Variants in TEK observed in about 807,000 individuals in gnomAD.
TEK encodes the protein angiopoietin-1 receptor.
A neutral mutation model predicts 131.8 loss-of-function variants in TEK; 43 were observed. That is an observed-to-expected ratio of 0.33 (90% CI 0.26 to 0.42). TEK has a LOEUF of 0.42. Among genes scored for constraint, TEK ranks in the 10% least tolerant of loss-of-function variants. The pLI, the probability that TEK is intolerant of heterozygous loss-of-function variation, is 1.00. For missense variants in TEK, 1,162 were observed against 1,384.4 expected, an observed-to-expected ratio of 0.84 and a Z score of 2.55; for synonymous variants, 580 against 491.6, an observed-to-expected ratio of 1.18 and a Z score of -2.38.
chr9:27,138,806 G>A (rs1822604074), intron 1 of TEK, among the ~76,000 whole-genome samples: 1 of 152,136 alleles, frequency 6.6e-6, no homozygotes, highest in African/African-American at 2.4e-5. Context: ...TGGAGTACAG[G>A]AATTGAGTAT....
At chr9:27,220,902 A>G (rs1185643039) in intron 21 of TEK, among the ~76,000 whole-genome samples, 1 of 152,196 alleles carries the variant, frequency 6.6e-6, no homozygotes, top group East Asian at 1.9e-4. Context: ...TTCATACCCC[A>G]GTGGCACCTG....
chr9:27,131,621 G>A (rs78970094), intron 1 of TEK, among the ~76,000 whole-genome samples: 21,795 of 150,734 alleles, frequency 0.14, 2,456 homozygotes, highest in African/African-American at 0.31. Context: ...ACCAGCCTGG[G>A]TAACATAAGG....
intron 1 of TEK, among the ~76,000 whole-genome samples, chr9:27,117,766 C>T (rs1249429167): frequency 2.0e-5 from 3 of 152,340 alleles, no homozygotes; most frequent in South Asian, 2.1e-4. Context: ...GTCATTTGCT[C>T]TCTGCTTGTC....
At chr9:27,115,064 C>A in intron 1 of TEK, among the ~76,000 whole-genome samples, 1 of 151,918 alleles carries the variant, frequency 6.6e-6, no homozygotes, top group East Asian at 1.9e-4. Flanking sequence ...TGAATATAGG[C>A]GGATGAATTG....
At chr9:27,122,672 A>C (rs532114418) in intron 1 of TEK, among the ~76,000 whole-genome samples, 40 of 152,228 alleles carry the variant, frequency 2.6e-4, no homozygotes, top group Non-Finnish European at 4.9e-4. Flanking sequence ...GGGAACCTAC[A>C]TCGAGAGGTA....
At chr9:27,152,345 C>A (rs664513) in intron 1 of TEK, among the ~76,000 whole-genome samples, 1 of 151,156 alleles carries the variant, frequency 6.6e-6, no homozygotes, top group East Asian at 1.9e-4. Flanking sequence ...GCCAACACTT[C>A]GAAGATCAGG....
intron 21 of TEK, among the ~76,000 whole-genome samples, chr9:27,226,330 C>A (rs1322280314): frequency 3.9e-5 from 6 of 152,186 alleles, no homozygotes; most frequent in African/African-American, 1.4e-4. Context: ...TGGAACCAAC[C>A]CAAATGCCCA....
intron 1 of TEK, among the ~76,000 whole-genome samples, chr9:27,138,817 G>T (rs1822605280): frequency 1.3e-5 from 2 of 152,282 alleles, no homozygotes; most frequent in African/African-American, 2.4e-5. Context: ...AATTGAGTAT[G>T]TGTGAATTTG....
intron 10 of TEK, chr9:27,192,109 A>C (rs1453190744): frequency 2.6e-6 from 1 of 379,232 alleles, no homozygotes; most frequent in African/African-American, 2.1e-5. Context: ...TTCTCTCGAT[A>C]GCTTGATTGC....
chr9:27,200,817 ATGACTTTT>A (rs1825189414), intron 12 of TEK, among the ~76,000 whole-genome samples: 1 of 152,174 alleles, frequency 6.6e-6, no homozygotes, highest in South Asian at 2.1e-4. Context: ...GACCCTTACA[ATGACTTTT>A]TGAGGAAAGT....
intron 18 of TEK, among the ~76,000 whole-genome samples, chr9:27,215,495 A>ATGAT (rs1038806629): frequency 3.2e-4 from 49 of 151,762 alleles, no homozygotes; most frequent in African/African-American, 1.1e-3. Flanking sequence ...AGATCCCCAG[A>ATGAT]TGATTGAGTC....
chr9:27,186,870 C>T (rs945015059), intron 9 of TEK, among the ~76,000 whole-genome samples: 1 of 152,168 alleles, frequency 6.6e-6, no homozygotes, highest in Admixed American at 6.5e-5. Flanking sequence ...GTAAATGCAA[C>T]CCCATAGATT....
chr9:27,220,163 C>G lies in TEK; in HGVS notation c.3200+18C>G. On this transcript the variant is annotated intron_variant, in intron 21 of 22. Coordinates refer to ENST00000380036, the MANE Select transcript of TEK (RefSeq NM_000459.5). ...GATGAGGTGTAAGTCAGGCCTCATC[C>G]TGGGGCTATTTTGTCTTACCTTCCC... 6.2e-7 allele frequency: 1 copy of G among 1,611,956 alleles called. No individual in the cohort carries two copies. The highest frequency in any genetic ancestry group is 1.1e-5 in the South Asian group (1 of 90,998).
intron 1 of TEK, among the ~76,000 whole-genome samples, chr9:27,131,535 G>T (rs143136546): frequency 6.7e-6 from 1 of 149,386 alleles, no homozygotes; most frequent in Non-Finnish European, 1.5e-5. Flanking sequence ...ATATGAAACA[G>T]TATTTGGCCA....
chr9:27,216,412 A>G (rs573202451), intron 18 of TEK, among the ~76,000 whole-genome samples: 1 of 152,292 alleles, frequency 6.6e-6, no homozygotes, highest in Admixed American at 6.5e-5. Context: ...AAGGAACTTA[A>G]CAATTAGGAG....
chr9:27,138,874 A>G (rs1889539), intron 1 of TEK, among the ~76,000 whole-genome samples: 58,748 of 151,864 alleles, frequency 0.39, 12,274 homozygotes, highest in African/African-American at 0.49. Context: ...TGTACCAAGG[A>G]ACAGCTATGT....
intron 1 of TEK, among the ~76,000 whole-genome samples, chr9:27,131,957 T>C (rs973326708): frequency 6.6e-6 from 1 of 152,196 alleles, no homozygotes; most frequent in Admixed American, 6.5e-5. Flanking sequence ...TGTGTTTAGA[T>C]AGAATGGATC....
At chr9:27,182,902 G>A (rs774928309) in intron 7 of TEK, among the ~76,000 whole-genome samples, 1 of 152,150 alleles carries the variant, frequency 6.6e-6, no homozygotes, top group Non-Finnish European at 1.5e-5. Flanking sequence ...CTTCTTTGAT[G>A]TACTTCTTTT....
chr9:27,145,586 A>G (rs758553878), intron 1 of TEK, among the ~76,000 whole-genome samples: 1 of 152,240 alleles, frequency 6.6e-6, no homozygotes, highest in African/African-American at 2.4e-5. Flanking sequence ...TGAGGAAACT[A>G]AGACAGAACT....
Sources: allele counts gnomAD v4.1 joint callset (sites outside exome capture counted in the v4.1 genomes callset), GRCh38; gene constraint gnomAD v4.1.1; transcripts MANE v1.5; gene names NCBI Gene and HGNC (gene_info 2026-07-23, HGNC 2026-07-21).